The following C8orf34 variants were observed in gnomAD, a reference collection of about 807,000 sequenced individuals.
C8orf34 encodes the protein chromosome 8 open reading frame 34.
In C8orf34, 65 loss-of-function variants were observed where a neutral mutation model predicts 68.3. That is an observed-to-expected ratio of 0.95 (90% CI 0.78 to 1.17). The LOEUF is 1.17. Among genes scored for constraint, C8orf34 ranks in the 50% most tolerant of loss-of-function variants. The pLI is 0.00. For missense variants in C8orf34, 664 were observed against 655.4 expected (o/e 1.01, Z -0.14); for synonymous variants, 244 against 241.2 (o/e 1.01, Z -0.11).
chr8:68,593,795 T>C (rs1817465181), intron 7 of C8orf34, among the ~76,000 whole-genome samples: 1 of 152,070 alleles, frequency 6.6e-6, no homozygotes, highest in South Asian at 2.1e-4. Flanking sequence ...ATTTCTGATC[T>C]AGCCTTTGTC....
chr8:68,436,834 C>A (rs778543916), intron 1 of C8orf34, among the ~76,000 whole-genome samples: 1 of 152,130 alleles, frequency 6.6e-6, no homozygotes, highest in African/African-American at 2.4e-5. Flanking sequence ...TCTACCTCTG[C>A]GGCTCTAATT....
At chr8:68,656,784 T>G (rs1281562785) in intron 8 of C8orf34, among the ~76,000 whole-genome samples, 1 of 152,162 alleles carries the variant, frequency 6.6e-6, no homozygotes, top group Non-Finnish European at 1.5e-5. Flanking sequence ...GGATCCAATC[T>G]TCACCCCAAG....
intron 7 of C8orf34, among the ~76,000 whole-genome samples, chr8:68,609,622 C>A (rs1817956004): frequency 6.6e-6 from 1 of 152,096 alleles, no homozygotes; most frequent in Admixed American, 6.6e-5. Flanking sequence ...CTATTGAGAA[C>A]ACAGTGTGCT....
intron 5 of C8orf34, 74 bp downstream of exon 5, chr8:68,488,125 A>C (rs557655739): frequency 1.9e-6 from 2 of 1,074,120 alleles, no homozygotes; most frequent in South Asian, 1.7e-5. Flanking sequence ...AACATAAATA[A>C]ATTTTCTGAA....
At chr8:68,710,693 C>T (rs1563623508) in intron 9 of C8orf34, among the ~76,000 whole-genome samples, 1 of 152,156 alleles carries the variant, frequency 6.6e-6, no homozygotes, top group Admixed American at 6.5e-5. Context: ...CTTTCTTTAC[C>T]TGCTGTGGTA....
intron 1 of C8orf34, among the ~76,000 whole-genome samples, chr8:68,389,774 A>G (rs1050193011): frequency 5.3e-5 from 8 of 152,096 alleles, no homozygotes; most frequent in Admixed American, 1.3e-4. Flanking sequence ...TGATTTGACG[A>G]TTTCTTTTCT....
At chr8:68,537,934 C>G (rs985509682) in intron 7 of C8orf34, among the ~76,000 whole-genome samples, 1 of 151,916 alleles carries the variant, frequency 6.6e-6, no homozygotes, top group African/African-American at 2.4e-5. Context: ...AGAAATATTG[C>G]TTTATTTTCT....
intron 1 of C8orf34, among the ~76,000 whole-genome samples, chr8:68,422,078 A>C (rs548907479): frequency 6.6e-6 from 1 of 152,244 alleles, no homozygotes; most frequent in South Asian, 2.1e-4. Flanking sequence ...TCAAGGTGAG[A>C]TTTGGGTGGG....
intron 1 of C8orf34, among the ~76,000 whole-genome samples, chr8:68,435,902 G>A (rs536999033): frequency 2.6e-5 from 4 of 152,278 alleles, no homozygotes; most frequent in South Asian, 4.1e-4. Flanking sequence ...AGTAGGAGAT[G>A]AAGGATTCAA....
intron 6 of C8orf34, among the ~76,000 whole-genome samples, chr8:68,529,967 T>C (rs1368819223): frequency 1.3e-5 from 2 of 152,096 alleles, no homozygotes; most frequent in Admixed American, 6.5e-5. Flanking sequence ...AGTTATACTT[T>C]GTGAATTATT....
In C8orf34 at chr8:68,532,616, C is replaced by A. The variant is rs181079196; in HGVS notation, c.939-367C>A. 1.2e-3 allele frequency among the ~76,000 whole-genome samples: 189 copies of A among 152,074 alleles called. 2 individuals carry two copies. The highest frequency in any genetic ancestry group is 4.4e-3 in the African/African-American group (181 of 41,486). On this transcript the variant is annotated intron_variant, in intron 6 of 13. Transcript: ENST00000518698. ...ATGTAATATTATAAAATATTTATTC[C>A]ATCGAATGTGTTTTCCTTAACATGC...
chr8:68,732,601 A>G (rs1193735063), intron 10 of C8orf34, among the ~76,000 whole-genome samples: 3 of 152,128 alleles, frequency 2.0e-5, no homozygotes, highest in Non-Finnish European at 4.4e-5. Flanking sequence ...TTTTTATTAC[A>G]GAGAAGCTAT....
At chr8:68,649,081 G>C (rs552119372) in intron 8 of C8orf34, among the ~76,000 whole-genome samples, 3 of 152,092 alleles carry the variant, frequency 2.0e-5, no homozygotes, top group Non-Finnish European at 4.4e-5. Context: ...AAGGAATGGT[G>C]AGCAAAACAA....
chr8:68,805,380 T>C (rs897237318), intron 12 of C8orf34, among the ~76,000 whole-genome samples: 5 of 152,206 alleles, frequency 3.3e-5, no homozygotes, highest in African/African-American at 1.2e-4. Context: ...TGTTCAAATA[T>C]TCCGTCTTCT....
rs1824892519 is a variant in C8orf34, at chr8:68,818,727, T to C, written c.*481T>C. 2 of 153,244 alleles carry C rather than the reference T, an allele frequency of 1.3e-5. No individual in the cohort carries two copies. The allele number at this position is 153,244 out of a possible 1,614,324, so 9.5% of individuals were successfully genotyped here. A position where few individuals can be genotyped will look rare whatever the true frequency, so the allele number is the denominator to read the frequency against. ...AAATTAGCTGTTTGGTATCATCACC[T>C]GCCATACATGTTGTGTGCAGCAGTG... On this transcript the variant is annotated 3_prime_UTR_variant, in exon 14 of 14. Transcript: ENST00000518698.
intron 7 of C8orf34, among the ~76,000 whole-genome samples, chr8:68,624,839 G>A (rs541284920): frequency 6.6e-6 from 1 of 151,762 alleles, no homozygotes; most frequent in Non-Finnish European, 1.5e-5. Context: ...GGAATCAAAT[G>A]GTCCTTCTGC....
intron 5 of C8orf34, among the ~76,000 whole-genome samples, chr8:68,503,906 ATTATT>A (rs1171040989): frequency 1.3e-5 from 2 of 152,248 alleles, no homozygotes; most frequent in East Asian, 3.9e-4. Flanking sequence ...AATTTCATGT[ATTATT>A]TTAACAGCTT....
chr8:68,347,821 T>C (rs767909636), intron 1 of C8orf34, among the ~76,000 whole-genome samples: 1 of 152,132 alleles, frequency 6.6e-6, no homozygotes, highest in Non-Finnish European at 1.5e-5. Context: ...ATTTTTCTCT[T>C]GTAAATTTGT....
intron 7 of C8orf34, among the ~76,000 whole-genome samples, chr8:68,561,814 AACAC>A (rs1380503310): frequency 6.6e-6 from 1 of 152,106 alleles, no homozygotes; most frequent in South Asian, 2.1e-4. Context: ...CAAGGGCACA[AACAC>A]ACACATTAGC....
Sources: gnomAD v4.1 joint callset for allele counts (sites outside exome capture counted in the v4.1 genomes callset) on GRCh38, gnomAD v4.1.1 for gene constraint, MANE v1.5 for transcripts, NCBI Gene and HGNC (gene_info 2026-07-23, HGNC 2026-07-21) for gene names.